The following SRPK2 variants were observed in gnomAD, a reference collection of about 807,000 sequenced individuals.
The protein encoded by SRPK2 is SFRS protein kinase 2.
Under a neutral mutation model 90.8 loss-of-function variants are expected in SRPK2, and 21 were observed. That is an observed-to-expected ratio of 0.23 (90% CI 0.16 to 0.33). The LOEUF (loss-of-function observed/expected upper bound fraction) is 0.33. Among genes scored for constraint, SRPK2 ranks in the 10% least tolerant of loss-of-function variants. The pLI is 1.00. For synonymous variants in SRPK2, 288 were observed against 311.1 expected (o/e 0.93, Z 0.78); for missense variants, 620 against 869.0 (o/e 0.71, Z 3.60).
intron 2 of SRPK2, among the ~76,000 whole-genome samples, chr7:105,356,411 T>C (rs552653981): frequency 1.3e-5 from 2 of 152,290 alleles, no homozygotes; most frequent in African/African-American, 4.8e-5. Context: ...TCGACTAGGA[T>C]AAATGGAATC....
intron 2 of SRPK2, among the ~76,000 whole-genome samples, chr7:105,290,100 C>T (rs141052502): frequency 2.0e-5 from 3 of 151,548 alleles, no homozygotes; most frequent in South Asian, 2.1e-4. Flanking sequence ...TTATCAGCAA[C>T]GATCACTCAT....
At chr7:105,347,665 G>T (rs1816629695) in intron 2 of SRPK2, among the ~76,000 whole-genome samples, 1 of 151,868 alleles carries the variant, frequency 6.6e-6, no homozygotes, top group African/African-American at 2.4e-5. Flanking sequence ...ACTTGCCTGG[G>T]CAGCCTGGCA....
intron 2 of SRPK2, among the ~76,000 whole-genome samples, chr7:105,212,392 G>A (rs1796965817): frequency 6.6e-6 from 1 of 152,164 alleles, no homozygotes; most frequent in African/African-American, 2.4e-5. Context: ...AAACAGAGAT[G>A]GTAGTGGGCC....
At chr7:105,328,582 A>G (rs1025531725) in intron 2 of SRPK2, among the ~76,000 whole-genome samples, 35 of 147,386 alleles carry the variant, frequency 2.4e-4, no homozygotes, top group African/African-American at 8.4e-4. Context: ...AAAAAAAAAA[A>G]GGCCAGGCGC....
chr7:105,348,456 G>C (rs1186861429), intron 2 of SRPK2, among the ~76,000 whole-genome samples: 1 of 131,774 alleles, frequency 7.6e-6, no homozygotes, highest in Non-Finnish European at 1.6e-5. Context: ...ATGCAGTCTC[G>C]CTCTGTTGCC....
At chr7:105,286,659 T>C (rs1808146313) in intron 2 of SRPK2, among the ~76,000 whole-genome samples, 2 of 152,210 alleles carry the variant, frequency 1.3e-5, no homozygotes, top group Non-Finnish European at 2.9e-5. Context: ...ACAGCCAGTA[T>C]TGAGATCACT....
chr7:105,226,438 G>A (rs1490483799), intron 2 of SRPK2, among the ~76,000 whole-genome samples: 11 of 151,894 alleles, frequency 7.2e-5, no homozygotes, highest in African/African-American at 9.7e-5. Context: ...TTACAGGTGC[G>A]CGCCACCATA....
At chr7:105,164,386 T>A (rs1205485403) in intron 6 of SRPK2, among the ~76,000 whole-genome samples, 1 of 152,236 alleles carries the variant, frequency 6.6e-6, no homozygotes, top group African/African-American at 2.4e-5. Flanking sequence ...AGGGCAATTT[T>A]GTGAAGAGTT....
At position 105,142,303 on chromosome 7, in the gene SRPK2, T is replaced by A. The variant is rs764040097; in HGVS notation, c.1248A>T (p.Glu416Asp). ...ATTCCTCAGGATTTGGGCAGTCTTC[T>A]TCATCATCATCTTCATCGTCCAGTT... ...EQQLDDEDDD[E>D]EDCPNPEEYN... Residue 416 changes from glutamate to aspartate, a missense_variant, in exon 11 of 16, where the codon GAA becomes GAT. By Grantham distance (45) the Glu-to-Asp change is conservative. Around this residue, in one of 8 missense-constraint regions of SRPK2, gnomAD observed 243 missense variants for 245.7 expected, o/e 0.99. Transcript: ENST00000393651. 6.2e-6 allele frequency: 10 copies of A among 1,614,178 alleles called. No homozygotes were observed. The South Asian group carries it at 6.6e-5, about 11-fold the overall frequency.
intron 1 of SRPK2, 42 bp downstream of exon 1, chr7:105,388,749 C>A: frequency 6.5e-7 from 1 of 1,546,374 alleles, no homozygotes. Flanking sequence ...CCCGCCCGGG[C>A]TGGCCGCGTG....
chr7:105,281,294 C>G (rs1807300944), intron 2 of SRPK2, among the ~76,000 whole-genome samples: 1 of 151,944 alleles, frequency 6.6e-6, no homozygotes, highest in South Asian at 2.1e-4. Flanking sequence ...ATGGGTTTCA[C>G]CATGTTAGCT....
At chr7:105,334,990 G>A (rs1319633523) in intron 2 of SRPK2, among the ~76,000 whole-genome samples, 3 of 150,132 alleles carry the variant, frequency 2.0e-5, no homozygotes, top group South Asian at 4.2e-4. Context: ...CCAACACGGT[G>A]AAACCCCGTC....
intron 2 of SRPK2, among the ~76,000 whole-genome samples, chr7:105,236,617 G>A (rs899231715): frequency 2.0e-5 from 3 of 152,050 alleles, no homozygotes; most frequent in African/African-American, 7.2e-5. Flanking sequence ...GGTCCAAGAT[G>A]AGAAATTCAG....
chr7:105,270,232 C>T (rs1005487818), intron 2 of SRPK2, among the ~76,000 whole-genome samples: 8 of 152,020 alleles, frequency 5.3e-5, no homozygotes, highest in Admixed American at 2.0e-4. Context: ...GCCAAGCTGC[C>T]GAGCCACTGG....
At chr7:105,338,988 T>A (rs911396627) in intron 2 of SRPK2, among the ~76,000 whole-genome samples, 1 of 152,176 alleles carries the variant, frequency 6.6e-6, no homozygotes, top group African/African-American at 2.4e-5. Flanking sequence ...CAACTCAATA[T>A]TGTCCCTGAT....
chr7:105,329,590 T>C (rs1814030159), intron 2 of SRPK2, among the ~76,000 whole-genome samples: 1 of 142,850 alleles, frequency 7.0e-6, no homozygotes, highest in Non-Finnish European at 1.5e-5. Flanking sequence ...TGAGACTCCG[T>C]CTCAAAAAAA....
intron 2 of SRPK2, among the ~76,000 whole-genome samples, chr7:105,267,328 A>G (rs923899835): frequency 1.3e-5 from 2 of 152,164 alleles, no homozygotes; most frequent in Non-Finnish European, 2.9e-5. Context: ...AGCTAATGTA[A>G]TTATTACTGT....
At chr7:105,207,432 C>T (rs1796350018) in intron 2 of SRPK2, among the ~76,000 whole-genome samples, 1 of 152,032 alleles carries the variant, frequency 6.6e-6, no homozygotes, top group Non-Finnish European at 1.5e-5. Context: ...AGTCTATCAA[C>T]AGATTAAAAA....
chr7:105,268,999 G>A, intron 2 of SRPK2: 1 of 1,379,952 alleles, frequency 7.2e-7, no homozygotes, highest in Non-Finnish European at 9.5e-7. Flanking sequence ...ACTTCTGTTA[G>A]GACTGGGATT....
Sources: gnomAD v4.1 joint callset for allele counts (sites outside exome capture counted in the v4.1 genomes callset) on GRCh38, gnomAD v4.1.1 for gene constraint, gnomAD v4.1.1 regional missense constraint, MANE v1.5 for transcripts, NCBI Gene and HGNC (gene_info 2026-07-23, HGNC 2026-07-21) for gene names.